Variants in DLGAP2 observed in about 807,000 individuals in gnomAD.
DLGAP2 encodes the protein disks large-associated protein 2.
Under a neutral mutation model 100.3 loss-of-function variants are expected in DLGAP2, and 26 were observed. That is an observed-to-expected ratio of 0.26 (90% CI 0.19 to 0.36). The LOEUF (loss-of-function observed/expected upper bound fraction) is 0.36. Ranked by LOEUF, DLGAP2 falls within the 10% of genes least tolerant of loss-of-function variation. The pLI, the probability that DLGAP2 is intolerant of heterozygous loss-of-function variation, is 1.00. For synonymous variants in DLGAP2, 886 were observed against 630.1 expected (o/e 1.41, Z -6.08); for missense variants, 1,858 against 1,453.2 (o/e 1.28, Z -4.53).
intron 1 of DLGAP2, among the ~76,000 whole-genome samples, chr8:767,138 G>C (rs897688775): frequency 5.9e-5 from 9 of 152,150 alleles, no homozygotes; most frequent in Admixed American, 1.3e-4. Flanking sequence ...TCCTGGTTAT[G>C]AGCCGTGTGT....
At chr8:906,727 C>T (rs578206284) in intron 1 of DLGAP2, among the ~76,000 whole-genome samples, 7 of 152,310 alleles carry the variant, frequency 4.6e-5, no homozygotes, top group African/African-American at 9.6e-5. Flanking sequence ...TGTCTCACCG[C>T]GGTTTGTTCT....
In DLGAP2 at chr8:1,505,924, G is replaced by A. The variant is rs1799897240; in HGVS notation, c.172+4493G>A. ...CCAAATTTTGCATTGATAAATGAAT[G>A]CAAAATGAAATTTTAAAAAGTTGGC... On this transcript the variant is annotated intron_variant, in intron 4 of 14. Transcript: ENST00000637795. Among the ~76,000 whole-genome samples, 6 of 152,234 alleles carry A rather than the reference G, an allele frequency of 3.9e-5. No individual in the cohort carries two copies. The South Asian group carries it at 1.2e-3, about 32-fold the overall frequency.
At chr8:1,376,056 CGG>C (rs1802378513) in intron 3 of DLGAP2, among the ~76,000 whole-genome samples, 1 of 112,778 alleles carries the variant, frequency 8.9e-6, no homozygotes, top group Non-Finnish European at 2.0e-5. Flanking sequence ...CACCTCTCCA[CGG>C]CCTCAGAACT....
intron 4 of DLGAP2, among the ~76,000 whole-genome samples, chr8:1,542,586 T>C (rs1328678947): frequency 1.3e-5 from 2 of 152,234 alleles, no homozygotes; most frequent in Non-Finnish European, 2.9e-5. Context: ...TTGGTTTTAA[T>C]TGCTGAAAAC....
At chr8:1,287,833 C>CGTGTGT (rs1248811227) in intron 3 of DLGAP2, among the ~76,000 whole-genome samples, 13 of 73,216 alleles carry the variant, frequency 1.8e-4, no homozygotes, top group African/African-American at 7.1e-4. Flanking sequence ...TTTGGTTCAG[C>CGTGTGT]GTGTGTGTGT....
intron 3 of DLGAP2, among the ~76,000 whole-genome samples, chr8:1,390,828 T>A (rs1208049968): frequency 6.6e-6 from 1 of 152,212 alleles, no homozygotes; most frequent in Non-Finnish European, 1.5e-5. Context: ...CCATAGCGAA[T>A]GCAAACACAC....
intron 6 of DLGAP2, among the ~76,000 whole-genome samples, chr8:1,599,908 G>C (rs905570958): frequency 1.3e-5 from 2 of 152,038 alleles, no homozygotes; most frequent in African/African-American, 4.8e-5. Flanking sequence ...ATTTGATCCT[G>C]TCATTATGAT....
chr8:1,467,195 T>C (rs549163786), intron 3 of DLGAP2, among the ~76,000 whole-genome samples: 13 of 140,938 alleles, frequency 9.2e-5, no homozygotes, highest in African/African-American at 3.5e-4. Flanking sequence ...CCAGGAGGTC[T>C]CTCATCGTCA....
chr8:1,059,212 G>A (rs1802977311), intron 2 of DLGAP2, among the ~76,000 whole-genome samples: 1 of 152,030 alleles, frequency 6.6e-6, no homozygotes, highest in African/African-American at 2.4e-5. Flanking sequence ...TATAGGGAGA[G>A]GCTCCATCAC....
intron 4 of DLGAP2, among the ~76,000 whole-genome samples, chr8:1,508,004 G>A (rs1799993798): frequency 6.6e-6 from 1 of 151,916 alleles, no homozygotes; most frequent in Non-Finnish European, 1.5e-5. Flanking sequence ...ACAGGAAAGG[G>A]GCCCTGAGGT....
rs565335621 is a variant in DLGAP2, at chr8:1,187,462, C to T, written c.74-71389C>T. On this transcript the variant is annotated intron_variant, in intron 2 of 14. Transcript: ENST00000637795. ...TCACGGAATCTCACACACCCGGGAC[C>T]TCCGTGACATTTGCCTCACGGAATC... Among the ~76,000 whole-genome samples the T allele has an allele frequency of 2.9e-3, 395 of 134,638 alleles. 14 individuals are homozygous for T. Among genetic ancestry groups the T allele is most frequent in the African/African-American group, 0.012 (381 of 32,076 alleles). The allele number at this position is 134,638 out of a possible 152,430, so 88.3% of individuals were successfully genotyped here. A position where few individuals can be genotyped will look rare whatever the true frequency, so the allele number is the denominator to read the frequency against.
chr8:1,307,179 A>G (rs2117008344), intron 3 of DLGAP2, among the ~76,000 whole-genome samples: 1 of 78,530 alleles, frequency 1.3e-5, no homozygotes, highest in East Asian at 2.4e-4. Context: ...CTATTTAAAT[A>G]ACTACAACAG....
At chr8:1,211,827 A>T (rs564219734) in intron 2 of DLGAP2, among the ~76,000 whole-genome samples, 24 of 152,392 alleles carry the variant, frequency 1.6e-4, no homozygotes, top group Admixed American at 3.3e-4. Flanking sequence ...GTGAGCCGAT[A>T]TCGTGCCATT....
chr8:987,079 C>G (rs1246672696), intron 2 of DLGAP2, among the ~76,000 whole-genome samples: 1 of 152,194 alleles, frequency 6.6e-6, no homozygotes, highest in Non-Finnish European at 1.5e-5. Context: ...TTCTGCTTCA[C>G]CAAACTCCCG....
At chr8:740,632 C>A (rs796715110) in intron 1 of DLGAP2, among the ~76,000 whole-genome samples, 5 of 152,262 alleles carry the variant, frequency 3.3e-5, no homozygotes, top group African/African-American at 1.2e-4. Flanking sequence ...CCAACTAATT[C>A]TGAAACTAAA....
intron 11 of DLGAP2, 111 bp downstream of exon 11, chr8:1,676,729 AAACAGGGC>A: frequency 9.7e-7 from 1 of 1,027,264 alleles, no homozygotes; most frequent in Non-Finnish European, 1.5e-6. Context: ...GTCCTTGTGG[AAACAGGGC>A]CATACGTTTA....
At chr8:1,558,236 G>A (rs1013501348) in intron 5 of DLGAP2, among the ~76,000 whole-genome samples, 3 of 152,226 alleles carry the variant, frequency 2.0e-5, no homozygotes, top group African/African-American at 7.2e-5. Flanking sequence ...AGCTGGACGG[G>A]GCCAAAGGGC....
intron 3 of DLGAP2, among the ~76,000 whole-genome samples, chr8:1,356,493 T>A (rs1026574244): frequency 2.6e-5 from 4 of 152,180 alleles, no homozygotes; most frequent in Admixed American, 6.5e-5. Context: ...TGGGTCCTGG[T>A]TCTGTCTGTG....
chr8:1,230,802 C>T (rs1266336883), intron 2 of DLGAP2, among the ~76,000 whole-genome samples: 1 of 152,176 alleles, frequency 6.6e-6, no homozygotes. Context: ...ACTGGCTAGC[C>T]TTATGCAAAG....
Sources: gnomAD v4.1 joint callset for allele counts (sites outside exome capture counted in the v4.1 genomes callset) on GRCh38, gnomAD v4.1.1 for gene constraint, MANE v1.5 for transcripts, NCBI Gene and HGNC (gene_info 2026-07-23, HGNC 2026-07-21) for gene names.